Variants in NME7 observed in about 807,000 individuals in gnomAD.
The protein encoded by NME7 is nucleoside diphosphate kinase 7.
NME7 carries 41 observed loss-of-function variants against 49.1 expected under a neutral mutation model. The ratio of observed to expected loss-of-function variants is 0.83; its 90% CI spans 0.65 to 1.08. The LOEUF (loss-of-function observed/expected upper bound fraction) is 1.08, where lower values mean the gene tolerates loss of function less well. Ranked by LOEUF, NME7 falls within the 50% of genes least tolerant of loss-of-function variation. The pLI is 0.00. For missense variants in NME7, 423 were observed against 463.4 expected, an observed-to-expected ratio of 0.91 and a Z score of 0.80; for synonymous variants, 139 against 150.6, an observed-to-expected ratio of 0.92 and a Z score of 0.56.
intron 3 of NME7, among the ~76,000 whole-genome samples, chr1:169,321,812 T>G (rs747316237): frequency 3.9e-5 from 6 of 152,012 alleles, no homozygotes; most frequent in African/African-American, 4.8e-5. Context: ...GAGTAGTAGA[T>G]CTCAAAAAAT....
chr1:169,324,506 A>G lies in NME7; in HGVS notation c.4-6T>C. The G allele has an allele frequency of 6.4e-7, 1 of 1,559,326 alleles. No individual in the cohort carries two copies. Among genetic ancestry groups the G allele is most frequent in the Non-Finnish European group, 8.8e-7 (1 of 1,131,276 alleles). ...ACGAATCTTTCACTATGATTCTGCA[A>G]AGAAAGACAGAAGAATTTTAACACT... On this transcript the variant is annotated splice_region_variant and splice_polypyrimidine_tract_variant and intron_variant, in intron 1 of 11. Coordinates refer to ENST00000367811, the MANE Select transcript of NME7 (RefSeq NM_013330.5).
intron 1 of NME7, among the ~76,000 whole-genome samples, chr1:169,328,965 T>G (rs1652162671): frequency 6.6e-6 from 1 of 152,108 alleles, no homozygotes; most frequent in East Asian, 1.9e-4. Flanking sequence ...AATACCTAAC[T>G]TTTCAGTGCC....
chr1:169,199,421 T>C (rs930327179), intron 10 of NME7, among the ~76,000 whole-genome samples: 1 of 150,032 alleles, frequency 6.7e-6, no homozygotes, highest in African/African-American at 2.4e-5. Context: ...GGATTTGAAC[T>C]TAGATAGATA....
chr1:169,189,682 A>C (rs1660162319), intron 10 of NME7, among the ~76,000 whole-genome samples: 1 of 152,152 alleles, frequency 6.6e-6, no homozygotes, highest in Non-Finnish European at 1.5e-5. Context: ...TTAACAAATA[A>C]AATTCTCTGC....
intron 4 of NME7, among the ~76,000 whole-genome samples, chr1:169,304,280 A>C (rs1651089478): frequency 6.6e-6 from 1 of 152,228 alleles, no homozygotes; most frequent in African/African-American, 2.4e-5. Context: ...GTTTTCTTAA[A>C]GGCTTTGAAC....
intron 11 of NME7, among the ~76,000 whole-genome samples, chr1:169,133,999 T>C (rs1307131920): frequency 6.6e-6 from 1 of 152,232 alleles, no homozygotes; most frequent in Non-Finnish European, 1.5e-5. Context: ...TTCTAAGCCA[T>C]TGTGTGTGTC....
rs144729209 is a variant in NME7, at chr1:169,307,975, G to A, written c.389+1995C>T. 7.3e-3 allele frequency among the ~76,000 whole-genome samples: 1,085 copies of A among 149,554 alleles called. 16 individuals are homozygous for A. The highest frequency in any genetic ancestry group is 0.042 in the Middle Eastern group (12 of 284). ...GTGGAGGTTGCAGTGAGCCGAAATC[G>A]TGCCACTACACTCCAGCCTGGGCAA... On this transcript the variant is annotated intron_variant, in intron 4 of 11. Transcript: ENST00000367811.
intron 1 of NME7, among the ~76,000 whole-genome samples, chr1:169,347,645 G>A (rs1652995841): frequency 6.6e-6 from 1 of 152,114 alleles, no homozygotes; most frequent in African/African-American, 2.4e-5. Context: ...TCAAGAATAA[G>A]AGCCAATGGC....
At chr1:169,147,044 G>C (rs1322752825) in intron 11 of NME7, among the ~76,000 whole-genome samples, 1 of 152,184 alleles carries the variant, frequency 6.6e-6, no homozygotes, top group Non-Finnish European at 1.5e-5. Context: ...TGGAATTCCA[G>C]GGGCACGTGA....
chr1:169,279,396 G>C (rs573931123), intron 7 of NME7, among the ~76,000 whole-genome samples: 1 of 152,172 alleles, frequency 6.6e-6, no homozygotes, highest in Admixed American at 6.5e-5. Flanking sequence ...GCAATGGCAG[G>C]ATCCCCTCCC....
chr1:169,316,260 A>G (rs940976367), intron 3 of NME7, among the ~76,000 whole-genome samples: 2 of 152,124 alleles, frequency 1.3e-5, no homozygotes, highest in African/African-American at 4.8e-5. Flanking sequence ...TAATAACAAA[A>G]CTATGTAAGA....
intron 11 of NME7, among the ~76,000 whole-genome samples, chr1:169,167,968 G>C (rs1047778156): frequency 6.0e-5 from 9 of 151,226 alleles, no homozygotes; most frequent in Admixed American, 5.9e-4. Context: ...GAGACCATCA[G>C]GTGATGGTCA....
chr1:169,336,422 T>C (rs965716138), intron 1 of NME7, among the ~76,000 whole-genome samples: 14 of 152,126 alleles, frequency 9.2e-5, no homozygotes, highest in Non-Finnish European at 4.4e-5. Context: ...TAGAGCCGAG[T>C]GGCCTGTTTT....
intron 10 of NME7, among the ~76,000 whole-genome samples, chr1:169,181,953 T>G (rs1222339773): frequency 6.6e-6 from 1 of 152,102 alleles, no homozygotes; most frequent in Non-Finnish European, 1.5e-5. Flanking sequence ...CATATTCTCC[T>G]CTTATCTTCT....
rs1035896250 is a variant in NME7 at position 169,278,788 on chromosome 1, CTG to C, written c.754+8513_754+8514del. Among the ~76,000 whole-genome samples, 103 of 152,280 alleles carry C rather than the reference CTG, an allele frequency of 6.8e-4. 1 individual carries two copies. The highest frequency in any genetic ancestry group is 2.3e-3 in the African/African-American group (95 of 41,540). ...CTTTTTAGAGTTTCCAGTTTTTCTGCTGTGTTTTTTCCCCATCTTTGTGGTTT... is the reference window on the plus strand; with the variant it reads ...CTTTTTAGAGTTTCCAGTTTTTCTGCTGTTTTTTCCCCATCTTTGTGGTTT... On this transcript the variant is annotated intron_variant, in intron 7 of 11. Coordinates refer to ENST00000367811, the MANE Select transcript of NME7 (RefSeq NM_013330.5).
At chr1:169,233,060 A>G (rs906866397) in intron 9 of NME7, among the ~76,000 whole-genome samples, 4 of 151,364 alleles carry the variant, frequency 2.6e-5, no homozygotes, top group Non-Finnish European at 5.9e-5. Context: ...CTGGGACTAC[A>G]GGCACCCACC....
At chr1:169,251,058 T>C (rs2101845901) in intron 7 of NME7, among the ~76,000 whole-genome samples, 1 of 152,256 alleles carries the variant, frequency 6.6e-6, no homozygotes, top group South Asian at 2.1e-4. Flanking sequence ...ATCTGTCTAG[T>C]GTTGTCGGTG....
In NME7 at chr1:169,276,524, G is replaced by A. The variant is rs1323810503; in HGVS notation, c.754+10779C>T. On this transcript the variant is annotated intron_variant, in intron 7 of 11. Coordinates refer to ENST00000367811, the MANE Select transcript of NME7 (RefSeq NM_013330.5). The stretch of plus-strand genomic sequence containing the variant: ...TGGTAGTTTGTATTTCTGTGGGATC[G>A]GTGGTGATATCCCCTTTATCAGTTT... Among the ~76,000 whole-genome samples the A allele has an allele frequency of 2.3e-5, 3 of 132,638 alleles. 1 individual carries two copies. Among genetic ancestry groups the A allele is most frequent in the Non-Finnish European group, 3.5e-5 (2 of 56,616 alleles). 87.0% of individuals were successfully genotyped at this position (132,638 alleles called of 152,430 possible).
chr1:169,298,668 GC>G lies in NME7; in HGVS notation c.535del (p.Ala179GlnfsTer23). 1.2e-6 allele frequency: 2 copies of G among 1,613,900 alleles called. No individual in the cohort carries two copies. Among genetic ancestry groups the G allele is most frequent in the Non-Finnish European group, 1.7e-6 (2 of 1,179,902 alleles). ...ATCTGTGCGTGCCACTCCAGAGTTTGCAGGTCCCAGCAGTCTTTTCCATTCA... is the reference window on the plus strand; with the variant it reads ...ATCTGTGCGTGCCACTCCAGAGTTTGAGGTCCCAGCAGTCTTTTCCATTCA... ...ICEWKRLLGP[A>X]NSGVARTDAS... On this transcript the variant is annotated frameshift_variant, in exon 6 of 12. Transcript: ENST00000367811. LOFTEE classifies it high-confidence loss of function.
Sources: allele counts gnomAD v4.1 joint callset (sites outside exome capture counted in the v4.1 genomes callset), GRCh38; gene constraint gnomAD v4.1.1; transcripts MANE v1.5; gene names NCBI Gene and HGNC (gene_info 2026-07-23, HGNC 2026-07-21).